The following DOCK10 variants were observed in gnomAD, a reference collection of about 807,000 sequenced individuals.
The protein encoded by DOCK10 is dedicator of cytokinesis 10.
Under a neutral mutation model 280.1 loss-of-function variants are expected in DOCK10, and 145 were observed. That is an observed-to-expected ratio of 0.52 (90% confidence interval 0.45 to 0.59). DOCK10 has a LOEUF of 0.59. Among genes scored for constraint, DOCK10 ranks in the 20% least tolerant of loss-of-function variants. DOCK10 has a pLI of 0.00. For missense variants in DOCK10, 2,368 were observed against 2,651.7 expected, an observed-to-expected ratio of 0.89 and a Z score of 2.35; for synonymous variants, 915 against 942.2, an observed-to-expected ratio of 0.97 and a Z score of 0.53.
chr2:224,884,020 CAT>C (rs1699127716), intron 7 of DOCK10, among the ~76,000 whole-genome samples: 2 of 152,170 alleles, frequency 1.3e-5, no homozygotes, highest in African/African-American at 4.8e-5. Flanking sequence ...CGTTTTACTT[CAT>C]GTTTCTAAGG....
intron 39 of DOCK10, among the ~76,000 whole-genome samples, 155 bp downstream of exon 39, chr2:224,803,957 G>A (rs1479351103): frequency 6.6e-6 from 1 of 151,652 alleles, no homozygotes; most frequent in Non-Finnish European, 1.5e-5. Context: ...TAGACATATA[G>A]TTACTTGAAA....
chr2:224,993,207 T>TTTTTTTTTTG (rs1553630070), intron 1 of DOCK10, among the ~76,000 whole-genome samples: 7 of 151,930 alleles, frequency 4.6e-5, no homozygotes, highest in African/African-American at 1.7e-4. Context: ...TGGAAGTTTT[T>TTTTTTTTTTG]TTTTTTTTTT....
intron 13 of DOCK10, 96 bp downstream of exon 13, chr2:224,864,457 C>T: frequency 1.6e-6 from 2 of 1,212,272 alleles, no homozygotes; most frequent in Non-Finnish European, 2.2e-6. Flanking sequence ...TTGCAGTGAG[C>T]TGCGATTGTG....
rs779702257 is a variant in DOCK10, at chr2:225,014,098, G to GTT, written c.123+28152_123+28153dup. ...CTGAATATATTGTTTTTTTTTTTTTGTTTTTTTTTTTAAGAAATACAGGTT... is the reference window on the plus strand; with the variant it reads ...CTGAATATATTGTTTTTTTTTTTTTGTTTTTTTTTTTTTAAGAAATACAGGTT... On this transcript the variant is annotated intron_variant, in intron 1 of 55. Coordinates refer to ENST00000258390, the MANE Select transcript of DOCK10 (RefSeq NM_014689.3). Among the ~76,000 whole-genome samples, 97 of 91,660 alleles carry GTT rather than the reference G, an allele frequency of 1.1e-3. 1 individual carries two copies. Among genetic ancestry groups the GTT allele is most frequent in the Non-Finnish European group, 1.4e-3 (72 of 49,874 alleles). The allele number at this position is 91,660 out of a possible 152,430, so 60.1% of individuals were successfully genotyped here.
chr2:225,033,833 A>G (rs204250), intron 1 of DOCK10, among the ~76,000 whole-genome samples: 120,072 of 152,138 alleles, frequency 0.79, 47,555 homozygotes, highest in Middle Eastern at 0.88. Context: ...CAACCCAACC[A>G]CGCCCCCCAA....
chr2:224,804,808 T>G lies in DOCK10; in HGVS notation c.4152A>C (p.Lys1384Asn), dbSNP rs1207428166. ...VCLQNFRYLG[K>N]RNIIRKIAAA... ...AAAATTAGTACCTTATTATGTTGCG[T>G]TTTCCTAGGTATCTGAAATTTTGAA... The change falls in exon 38 of 56, where the codon AAA becomes AAC. Residue 1384 changes from lysine to asparagine, a missense_variant. Coordinates refer to ENST00000258390, the MANE Select transcript of DOCK10 (RefSeq NM_014689.3). The G allele has an allele frequency of 6.6e-7, 1 of 1,509,820 alleles. No homozygotes were observed. The highest frequency in any genetic ancestry group is 1.4e-5 in the African/African-American group (1 of 70,822). The allele number at this position is 1,509,820 out of a possible 1,614,324, so 93.5% of individuals were successfully genotyped here. A position where few individuals can be genotyped will look rare whatever the true frequency, so the allele number is the denominator to read the frequency against.
chr2:224,778,168 G>A lies in DOCK10; in HGVS notation c.5772C>T (p.Asp1924=). 6.2e-7 allele frequency: 1 copy of A among 1,613,414 alleles called. No homozygotes were observed. The highest frequency in any genetic ancestry group is 8.5e-7 in the Non-Finnish European group (1 of 1,179,596). ...TGGAATCCTGGATTATCTTCACATT[G>A]TCTGCTCCAAATTTATCTGCATAGA... ...LKLYADKFGA[D]NVKIIQDSNK... is the part of the protein sequence containing the mutation. The change falls in exon 51 of 56, where the codon GAC becomes GAT. Residue 1924 remains aspartate (D), a synonymous_variant. Transcript: ENST00000258390.
At chr2:224,833,565 G>A (rs1695393052) in intron 26 of DOCK10, among the ~76,000 whole-genome samples, 1 of 150,970 alleles carries the variant, frequency 6.6e-6, no homozygotes, top group Non-Finnish European at 1.5e-5. Flanking sequence ...AATCTCCCCT[G>A]CACCTTCAGC....
chr2:224,882,152 G>A (rs1013003840), intron 7 of DOCK10, among the ~76,000 whole-genome samples: 1 of 152,202 alleles, frequency 6.6e-6, no homozygotes, highest in African/African-American at 2.4e-5. Context: ...TTCTTGGGCT[G>A]TTCATTCTCT....
At chr2:224,852,543 T>G in intron 17 of DOCK10, 101 bp from the exon 18 acceptor site, 2 of 856,432 alleles carry the variant, frequency 2.3e-6, no homozygotes, top group East Asian at 5.3e-5. Flanking sequence ...ATCCAAAAAA[T>G]GTAAAATACC....
At chr2:224,989,246 T>C (rs1706063735) in intron 1 of DOCK10, among the ~76,000 whole-genome samples, 1 of 152,206 alleles carries the variant, frequency 6.6e-6, no homozygotes, top group Admixed American at 6.5e-5. Flanking sequence ...CTTTGTTTCA[T>C]CTTCCTTCTC....
At chr2:224,925,427 C>G (rs1264349148) in intron 2 of DOCK10, among the ~76,000 whole-genome samples, 1 of 152,134 alleles carries the variant, frequency 6.6e-6, no homozygotes, top group African/African-American at 2.4e-5. Flanking sequence ...CCCTGGGACA[C>G]AATTCTGACC....
At chr2:225,023,327 C>T (rs970896199) in intron 1 of DOCK10, among the ~76,000 whole-genome samples, 8 of 152,210 alleles carry the variant, frequency 5.3e-5, no homozygotes, top group African/African-American at 1.2e-4. Flanking sequence ...TGAGCCACTG[C>T]GCCCAGCCCA....
At chr2:225,015,866 A>T (rs1689576088) in intron 1 of DOCK10, among the ~76,000 whole-genome samples, 1 of 152,160 alleles carries the variant, frequency 6.6e-6, no homozygotes, top group South Asian at 2.1e-4. Context: ...ACATTTGGTA[A>T]GGGTATTAAA....
intron 30 of DOCK10, among the ~76,000 whole-genome samples, 151 bp from the exon 31 acceptor site, chr2:224,814,515 T>G (rs1693995039): frequency 6.6e-6 from 1 of 152,138 alleles, no homozygotes; most frequent in African/African-American, 2.4e-5. Context: ...GAGAATGTCT[T>G]AGGTTATTTG....
At chr2:224,812,954 T>C (rs1302114533) in intron 31 of DOCK10, among the ~76,000 whole-genome samples, 1 of 152,144 alleles carries the variant, frequency 6.6e-6, no homozygotes, top group African/African-American at 2.4e-5. Flanking sequence ...TTCTCTCTTT[T>C]GGTTGTGTCT....
At chr2:224,852,522 G>T in intron 17 of DOCK10, 80 bp from the exon 18 acceptor site, 1 of 1,078,054 alleles carries the variant, frequency 9.3e-7, no homozygotes, top group Non-Finnish European at 1.4e-6. Context: ...AAAATAAGTA[G>T]CTTCTAATTA....
In DOCK10 at chr2:225,035,587, T is replaced by TA. The variant is rs1410082689; in HGVS notation, c.123+6664dup. On this transcript the variant is annotated intron_variant, in intron 1 of 55. Coordinates refer to ENST00000258390, the MANE Select transcript of DOCK10 (RefSeq NM_014689.3). ...ATATATATATATATATATATATATA[T>TA]AACACTGAATCAGTGTTAATTGTGT... 2.7e-5 allele frequency among the ~76,000 whole-genome samples: 3 copies of TA among 111,268 alleles called. 1 individual carries two copies. Among genetic ancestry groups the TA allele is most frequent in the African/African-American group, 9.3e-5 (2 of 21,546 alleles). 73.0% of individuals were successfully genotyped at this position (111,268 alleles called of 152,430 possible). A position where few individuals can be genotyped will look rare whatever the true frequency, so the allele number is the denominator to read the frequency against.
At chr2:225,017,641 A>C (rs1689649980) in intron 1 of DOCK10, among the ~76,000 whole-genome samples, 1 of 152,074 alleles carries the variant, frequency 6.6e-6, no homozygotes, top group South Asian at 2.1e-4. Flanking sequence ...GCTTTGTCAA[A>C]AAAAAAATGT....
Sources: gnomAD v4.1 joint callset for allele counts (sites outside exome capture counted in the v4.1 genomes callset) on GRCh38, gnomAD v4.1.1 for gene constraint, MANE v1.5 for transcripts, NCBI Gene and HGNC (gene_info 2026-07-23, HGNC 2026-07-21) for gene names.